PTPRG: variants seen among roughly 807,000 people sequenced by gnomAD.
PTPRG encodes protein tyrosine phosphatase receptor type G, also known as receptor-type tyrosine-protein phosphatase gamma.
In PTPRG, 102 loss-of-function variants were observed where a neutral mutation model predicts 165.3. That is an observed-to-expected ratio of 0.62 (90% CI 0.53 to 0.73). The LOEUF is 0.73. Among genes scored for constraint, PTPRG ranks in the 30% least tolerant of loss-of-function variants. PTPRG has a pLI of 0.00. For missense variants in PTPRG, 1,866 were observed against 1,861.4 expected (o/e 1.00, Z -0.05); for synonymous variants, 675 against 669.5 (o/e 1.01, Z -0.13).
chr3:62,061,274 T>C (rs1700801094), intron 4 of PTPRG, among the ~76,000 whole-genome samples: 1 of 152,222 alleles, frequency 6.6e-6, no homozygotes, highest in African/African-American at 2.4e-5. Context: ...TTGTGTATTA[T>C]AAATTCAAGA....
chr3:61,643,813 A>G (rs922206980), intron 1 of PTPRG, among the ~76,000 whole-genome samples: 1 of 152,120 alleles, frequency 6.6e-6, no homozygotes, highest in Non-Finnish European at 1.5e-5. Flanking sequence ...ATGTATATAG[A>G]GGACAGTCAG....
intron 2 of PTPRG, among the ~76,000 whole-genome samples, chr3:61,761,603 A>G (rs1390027553): frequency 6.6e-6 from 1 of 151,958 alleles, no homozygotes; most frequent in East Asian, 1.9e-4. Context: ...ACAAACAAAC[A>G]AACAAACCGT....
chr3:62,158,176 G>A (rs1204363535), intron 7 of PTPRG, among the ~76,000 whole-genome samples: 1 of 152,176 alleles, frequency 6.6e-6, no homozygotes, highest in Non-Finnish European at 1.5e-5. Flanking sequence ...AGAGGAAGGG[G>A]AACCATCCAG....
At chr3:61,933,466 G>C (rs1575799366) in intron 2 of PTPRG, among the ~76,000 whole-genome samples, 1 of 152,154 alleles carries the variant, frequency 6.6e-6, no homozygotes, top group East Asian at 1.9e-4. Context: ...ACAGCTCAGG[G>C]GGTAAAATGA....
chr3:61,856,234 C>A (rs1056118752), intron 2 of PTPRG, among the ~76,000 whole-genome samples: 4 of 151,970 alleles, frequency 2.6e-5, no homozygotes, highest in East Asian at 1.9e-4. Context: ...GCACCCATCA[C>A]CATTATCTAG....
At chr3:61,983,477 C>T (rs568499281) in intron 2 of PTPRG, among the ~76,000 whole-genome samples, 5 of 152,188 alleles carry the variant, frequency 3.3e-5, no homozygotes, top group African/African-American at 9.6e-5. Context: ...AGAAACAGCA[C>T]ATAACATGTA....
In PTPRG at chr3:62,086,960, T is replaced by C. The variant is rs999961814; in HGVS notation, c.615+8702T>C. Among the ~76,000 whole-genome samples, 6 of 152,370 alleles carry C rather than the reference T, an allele frequency of 3.9e-5. No homozygotes were observed. The East Asian group carries it at 1.2e-3, about 29-fold the overall frequency. On this transcript the variant is annotated intron_variant, in intron 5 of 29. Coordinates refer to ENST00000474889, the MANE Select transcript of PTPRG (RefSeq NM_002841.4). ...AATTATTGGCGAAGCATTACATAAT[T>C]AAGAGACTTTGAATTCTTTGAATGT... is the stretch of plus-strand genomic sequence containing the variant.
chr3:62,258,910 A>G (rs905261816), intron 16 of PTPRG, among the ~76,000 whole-genome samples: 1 of 152,182 alleles, frequency 6.6e-6, no homozygotes, highest in Non-Finnish European at 1.5e-5. Flanking sequence ...AAGGCTTCCA[A>G]AAGACCAGTG....
chr3:61,999,819 A>T (rs186461069), intron 3 of PTPRG, among the ~76,000 whole-genome samples: 1 of 152,206 alleles, frequency 6.6e-6, no homozygotes, highest in African/African-American at 2.4e-5. Flanking sequence ...TTTTAGGGTT[A>T]TGCTTATTCT....
chr3:62,226,466 C>G (rs1426331788), intron 13 of PTPRG, among the ~76,000 whole-genome samples: 3 of 152,196 alleles, frequency 2.0e-5, no homozygotes, highest in African/African-American at 7.2e-5. Context: ...TCAGTTACAT[C>G]TCCATTATTT....
At chr3:61,563,052 C>T (rs115788231) in intron 1 of PTPRG, among the ~76,000 whole-genome samples, 2,350 of 151,906 alleles carry the variant, frequency 0.015, 27 homozygotes, top group Non-Finnish European at 0.023. Context: ...CGGAGAGATC[C>T]GTGTCTCCCC....
intron 6 of PTPRG, among the ~76,000 whole-genome samples, chr3:62,133,147 C>A (rs1221323851): frequency 6.6e-6 from 1 of 152,216 alleles, no homozygotes; most frequent in African/African-American, 2.4e-5. Context: ...TGCTGCAGAT[C>A]TCTTATCCTC....
At chr3:61,902,480 C>T (rs571758795) in intron 2 of PTPRG, among the ~76,000 whole-genome samples, 1 of 152,246 alleles carries the variant, frequency 6.6e-6, no homozygotes, top group Admixed American at 6.5e-5. Context: ...GAATGTAAGA[C>T]CTGCTATCTT....
intron 4 of PTPRG, among the ~76,000 whole-genome samples, chr3:62,027,971 ATTT>A (rs1236856758): frequency 3.3e-5 from 5 of 152,206 alleles, no homozygotes; most frequent in African/African-American, 1.2e-4. Context: ...ACTCGTGATT[ATTT>A]ATTCCTCAGA....
chr3:62,271,398 C>A lies in PTPRG; in HGVS notation c.3025C>A (p.Pro1009Thr). The part of the protein sequence containing the change: ...TKVKKGQKGN[P>T]KGRQNERVVI... ...TTTCTCACAGGGTCAGAAGGGAAAT[C>A]CCAAGGGTCGTCAGAATGAAAGGGT... Residue 1009 changes from proline to threonine, a missense_variant, in exon 21 of 30, where the codon CCC becomes ACC. Coordinates refer to ENST00000474889, the MANE Select transcript of PTPRG (RefSeq NM_002841.4). The surrounding 1 kb of genome is among the most constrained non-coding windows in gnomAD (Gnocchi z 4.1). 1 of 1,606,472 alleles carries A rather than the reference C, an allele frequency of 6.2e-7. No homozygotes were observed. Among genetic ancestry groups the A allele is most frequent in the Non-Finnish European group, 8.5e-7 (1 of 1,176,966 alleles).
chr3:61,760,557 A>T (rs565964241), intron 2 of PTPRG, among the ~76,000 whole-genome samples: 1 of 152,204 alleles, frequency 6.6e-6, no homozygotes, highest in Non-Finnish European at 1.5e-5. Flanking sequence ...CTGACTTGGT[A>T]GGGTTTTGGG....
chr3:61,688,084 A>G (rs1424358770), intron 1 of PTPRG, among the ~76,000 whole-genome samples: 1 of 152,164 alleles, frequency 6.6e-6, no homozygotes, highest in Non-Finnish European at 1.5e-5. Context: ...GGCTGACATC[A>G]CTTTCATGAC....
intron 1 of PTPRG, among the ~76,000 whole-genome samples, chr3:61,645,341 T>C (rs1013094901): frequency 6.6e-6 from 1 of 152,250 alleles, no homozygotes; most frequent in Non-Finnish European, 1.5e-5. Flanking sequence ...TTGGAACTCC[T>C]TTCTAGGTTT....
chr3:61,969,260 T>C (rs58213532), intron 2 of PTPRG, among the ~76,000 whole-genome samples: 2 of 152,112 alleles, frequency 1.3e-5, no homozygotes, highest in Non-Finnish European at 2.9e-5. Flanking sequence ...GAGAACCTTG[T>C]CCCTCAACAA....
Sources: allele counts gnomAD v4.1 joint callset (sites outside exome capture counted in the v4.1 genomes callset), GRCh38; gene constraint gnomAD v4.1.1; non-coding constraint Gnocchi (gnomAD v3.1); transcripts MANE v1.5; gene names NCBI Gene and HGNC (gene_info 2026-07-23, HGNC 2026-07-21).